Variants in PAIP1 observed in about 807,000 individuals in gnomAD.
PAIP1 encodes polyadenylate-binding protein-interacting protein 1.
Under a neutral mutation model 61.3 loss-of-function variants are expected in PAIP1, and 16 were observed. That is an observed-to-expected ratio of 0.26 (90% CI 0.18 to 0.40). The LOEUF (loss-of-function observed/expected upper bound fraction) is 0.40, where lower values mean the gene tolerates loss of function less well. PAIP1 is among the 10% of genes least tolerant of loss of function. The pLI is 1.00. For missense variants in PAIP1, 416 were observed against 600.9 expected (o/e 0.69, Z 3.22); for synonymous variants, 187 against 226.2 (o/e 0.83, Z 1.56).
intron 3 of PAIP1, among the ~76,000 whole-genome samples, chr5:43,544,393 A>G (rs995785496): frequency 1.9e-4 from 29 of 152,108 alleles, no homozygotes; most frequent in Admixed American, 8.5e-4. Flanking sequence ...GTTCACCCTT[A>G]CATTTTTCCC....
chr5:43,536,624 T>C (rs77596039), intron 6 of PAIP1, among the ~76,000 whole-genome samples, 195 bp downstream of exon 6: 4,225 of 152,272 alleles, frequency 0.028, 201 homozygotes, highest in African/African-American at 0.095. Context: ...GACTTCCATT[T>C]TTCACTTCTG....
intron 4 of PAIP1, 25 bp downstream of exon 4, chr5:43,542,979 C>G (rs1302328843): frequency 8.5e-7 from 1 of 1,174,634 alleles, no homozygotes; most frequent in Admixed American, 1.7e-5. Context: ...AAGTAGTTTT[C>G]CTTTAATTTC....
chr5:43,543,174 C>A, intron 3 of PAIP1, 58 bp from the exon 4 acceptor site: 1 of 829,244 alleles, frequency 1.2e-6, no homozygotes, highest in Non-Finnish European at 2.0e-6. Context: ...AATGTAAATA[C>A]TTAACAGCAA....
At chr5:43,555,740 A>G (rs981426586) in intron 2 of PAIP1, 90 bp downstream of exon 2, 21 of 1,162,514 alleles carry the variant, frequency 1.8e-5, no homozygotes, top group Non-Finnish European at 2.4e-5. Flanking sequence ...CGTGTAGTAC[A>G]GAAAGCACAA....
chr5:43,529,008 A>T (rs974659167), intron 10 of PAIP1, among the ~76,000 whole-genome samples: 13 of 152,142 alleles, frequency 8.5e-5, no homozygotes, highest in African/African-American at 3.1e-4. Flanking sequence ...TTATCAGTTC[A>T]AACATTTTTA....
intron 2 of PAIP1, among the ~76,000 whole-genome samples, chr5:43,554,800 A>T (rs1747998860): frequency 6.6e-6 from 1 of 152,170 alleles, no homozygotes; most frequent in African/African-American, 2.4e-5. Context: ...TGGCTACCCT[A>T]AGTCCCAGCA....
chr5:43,539,265 T>C (rs1344180220), intron 4 of PAIP1, among the ~76,000 whole-genome samples: 1 of 16,862 alleles, frequency 5.9e-5, no homozygotes, highest in Non-Finnish European at 1.1e-4. Flanking sequence ...TTTTCAACGA[T>C]TTTTATCAAA....
At position 43,529,117 on chromosome 5, in the gene PAIP1, T is replaced by C. The variant is rs939091554; in HGVS notation, c.1346+669A>G. On this transcript the variant is annotated intron_variant, in intron 10 of 10. Coordinates refer to ENST00000306846, the MANE Select transcript of PAIP1 (RefSeq NM_006451.5). Reference sequence around the variant, plus strand: ...AAGGCTAAGTATTTATGTATTCTCATGTAGTTCTCAAGAAAAAAAAAAAAA... The same window carrying C: ...AAGGCTAAGTATTTATGTATTCTCACGTAGTTCTCAAGAAAAAAAAAAAAA... 9.6e-5 allele frequency among the ~76,000 whole-genome samples: 11 copies of C among 115,076 alleles called. No individual in the cohort carries two copies. The South Asian group carries it at 3.2e-3, about 34-fold the overall frequency. The allele number at this position is 115,076 out of a possible 152,430, so 75.5% of individuals were successfully genotyped here.
chr5:43,555,508 A>G (rs1026464966), intron 2 of PAIP1, among the ~76,000 whole-genome samples: 1 of 152,264 alleles, frequency 6.6e-6, no homozygotes, highest in Non-Finnish European at 1.5e-5. Context: ...CTATGTAAAT[A>G]CTTTATCACA....
intron 2 of PAIP1, 74 bp from the exon 3 acceptor site, chr5:43,547,987 C>A (rs1363689842): frequency 2.2e-5 from 19 of 866,944 alleles, no homozygotes; most frequent in Non-Finnish European, 3.0e-5. Context: ...ATGTCTCTAG[C>A]ACAAATGCTT....
intron 9 of PAIP1, among the ~76,000 whole-genome samples, chr5:43,531,856 A>T (rs1579906592): frequency 6.6e-6 from 1 of 152,098 alleles, no homozygotes; most frequent in East Asian, 1.9e-4. Context: ...TTTATGTGTG[A>T]TGATCAGAAA....
chr5:43,556,151 A>C (rs1383864916), intron 1 of PAIP1, 152 bp from the exon 2 acceptor site: 6 of 1,415,558 alleles, frequency 4.2e-6, no homozygotes, highest in East Asian at 4.9e-5. Context: ...ATGTGTACAG[A>C]CAGCCTACAA....
intron 9 of PAIP1, among the ~76,000 whole-genome samples, chr5:43,530,497 T>C (rs1401475980): frequency 6.6e-6 from 1 of 152,216 alleles, no homozygotes; most frequent in African/African-American, 2.4e-5. Context: ...AAAAAATGAA[T>C]CAGTATATAT....
chr5:43,544,146 TA>T (rs568177939), intron 3 of PAIP1, among the ~76,000 whole-genome samples: 15,612 of 72,426 alleles, frequency 0.22, 1,234 homozygotes, highest in Non-Finnish European at 0.29. Flanking sequence ...CCCATCTTTT[TA>T]AAAAAAAAAA....
At chr5:43,539,489 C>G (rs550264980) in intron 4 of PAIP1, among the ~76,000 whole-genome samples, 2 of 145,804 alleles carry the variant, frequency 1.4e-5, no homozygotes, top group South Asian at 4.3e-4. Context: ...ACACACACAA[C>G]CTCCAACTGA....
chr5:43,554,574 A>G (rs1296327338), intron 2 of PAIP1, among the ~76,000 whole-genome samples: 1 of 152,188 alleles, frequency 6.6e-6, no homozygotes, highest in African/African-American at 2.4e-5. Context: ...CAAATATGGA[A>G]GGAGAGCCAA....
At chr5:43,544,910 C>T (rs917712483) in intron 3 of PAIP1, among the ~76,000 whole-genome samples, 14 of 152,142 alleles carry the variant, frequency 9.2e-5, no homozygotes, top group East Asian at 3.9e-4. Flanking sequence ...ATTTCAGATA[C>T]GGGATACTCA....
At chr5:43,536,095 G>A (rs1393238551) in intron 6 of PAIP1, among the ~76,000 whole-genome samples, 2 of 151,746 alleles carry the variant, frequency 1.3e-5, no homozygotes, top group Non-Finnish European at 2.9e-5. Context: ...ATGAAGAAAT[G>A]CTTAAAATCA....
intron 2 of PAIP1, among the ~76,000 whole-genome samples, chr5:43,551,694 C>A (rs1747872489): frequency 6.7e-6 from 1 of 150,106 alleles, no homozygotes; most frequent in Non-Finnish European, 1.5e-5. Flanking sequence ...CTGTTTCCAT[C>A]AAATGTCATT....
Sources: gnomAD v4.1 joint callset for allele counts (sites outside exome capture counted in the v4.1 genomes callset) on GRCh38, gnomAD v4.1.1 for gene constraint, MANE v1.5 for transcripts, NCBI Gene and HGNC (gene_info 2026-07-23, HGNC 2026-07-21) for gene names.